Variants in CACNA1A observed in about 807,000 individuals in gnomAD.
CACNA1A encodes the protein voltage-dependent P/Q-type calcium channel subunit alpha-1A.
CACNA1A carries 57 observed loss-of-function variants against 262.4 expected under a neutral mutation model. That is an observed-to-expected ratio of 0.22 (90% CI 0.18 to 0.27). CACNA1A has a LOEUF of 0.27. CACNA1A is among the 10% of genes least tolerant of loss of function. The pLI, the probability that CACNA1A is intolerant of heterozygous loss-of-function variation, is 1.00. For synonymous variants in CACNA1A, 1,431 were observed against 1,419.3 expected (o/e 1.01, Z -0.18); for missense variants, 2,526 against 3,562.8 (o/e 0.71, Z 7.41).
At chr19:13,280,920 G>GAC in intron 22 of CACNA1A, among the ~76,000 whole-genome samples, 1 of 121,226 alleles carries the variant, frequency 8.2e-6, no homozygotes, top group Non-Finnish European at 1.6e-5. Context: ...CAGCCTGGGT[G>GAC]ACAGAGCAAG....
intron 4 of CACNA1A, chr19:13,371,443 T>C (rs184431562): frequency 1.2e-4 from 62 of 502,262 alleles, no homozygotes; most frequent in Middle Eastern, 5.4e-4. Context: ...ACGTGGTGCT[T>C]AGCATGGCTC....
At chr19:13,215,012 GTTT>G (rs1264509488) in intron 38 of CACNA1A, 6 of 34,316 alleles carry the variant, frequency 1.7e-4, no homozygotes, top group African/African-American at 2.5e-4. Context: ...GTGTGTGTGT[GTTT>G]TTTTTTTTTT....
Position 13,334,592 on chromosome 19 carries a change from T to C in CACNA1A, c.1083-99A>G, listed in dbSNP as rs1243055865. 1.4e-5 allele frequency: 9 copies of C among 627,042 alleles called. No individual in the cohort carries two copies. The African/African-American group carries it at 1.6e-4, about 11-fold the overall frequency. 38.8% of individuals were successfully genotyped at this position (627,042 alleles called of 1,614,324 possible). A position where few individuals can be genotyped will look rare whatever the true frequency, so the allele number is the denominator to read the frequency against. On this transcript the variant is annotated intron_variant, in intron 7 of 46. Coordinates refer to ENST00000360228, the MANE Select transcript of CACNA1A (RefSeq NM_001127222.2). ...GTGTGTGTGTGTGTGTGTGTGTGTG[T>C]TTGTGTGTGTGTGTGTGTTTGGGGA...
chr19:13,255,344 G>T, intron 28 of CACNA1A, 85 bp from the exon 29 acceptor site: 6 of 1,286,596 alleles, frequency 4.7e-6, no homozygotes, highest in Non-Finnish European at 6.3e-6. Flanking sequence ...AACTCGTCGC[G>T]GTTCTCAAGT....
At chr19:13,249,238 G>T (rs1408875073) in intron 30 of CACNA1A, among the ~76,000 whole-genome samples, 2 of 152,076 alleles carry the variant, frequency 1.3e-5, no homozygotes, top group Admixed American at 1.3e-4. Flanking sequence ...CAAAGTGCTG[G>T]GACTACAGGC....
At chr19:13,276,042 G>A (rs1198139777) in intron 23 of CACNA1A, 86 bp from the exon 24 acceptor site, 11 of 839,526 alleles carry the variant, frequency 1.3e-5, no homozygotes, top group Non-Finnish European at 1.9e-5. Context: ...CTCTCGGGGA[G>A]AGGCAGGGAA....
chr19:13,406,430 G>A lies in CACNA1A; in HGVS notation c.540-34651C>T, dbSNP rs981585702. Among the ~76,000 whole-genome samples, 134 of 139,424 alleles carry A rather than the reference G, an allele frequency of 9.6e-4. 1 individual carries two copies. Among genetic ancestry groups the A allele is most frequent in the African/African-American group, 3.3e-3 (125 of 37,458 alleles). 91.5% of individuals were successfully genotyped at this position (139,424 alleles called of 152,430 possible). ...AGATCGCGACAATGGGCTTCAGCCT[G>A]GGTGACAGAGGGAGACTCTGTCTCA... On this transcript the variant is annotated intron_variant, in intron 3 of 46. Transcript: ENST00000360228.
At chr19:13,322,203 A>G (rs1484974887) in intron 10 of CACNA1A, among the ~76,000 whole-genome samples, 2 of 50,558 alleles carry the variant, frequency 4.0e-5, no homozygotes, top group Admixed American at 2.2e-4. Flanking sequence ...CTTGTCTCAG[A>G]AAAAAAAAAA....
chr19:13,290,333 T>C (rs894617851), intron 19 of CACNA1A, among the ~76,000 whole-genome samples: 2 of 152,030 alleles, frequency 1.3e-5, no homozygotes, highest in South Asian at 2.1e-4. Flanking sequence ...TTTTGAGAAG[T>C]TGTGTATCAT....
chr19:13,268,097 A>G (rs929444740), intron 24 of CACNA1A, among the ~76,000 whole-genome samples: 2 of 151,694 alleles, frequency 1.3e-5, no homozygotes, highest in African/African-American at 4.8e-5. Flanking sequence ...CAACCAACCA[A>G]CTCAGGTCTG....
At chr19:13,296,456 T>C (rs900192593) in intron 19 of CACNA1A, among the ~76,000 whole-genome samples, 1 of 152,260 alleles carries the variant, frequency 6.6e-6, no homozygotes, top group Non-Finnish European at 1.5e-5. Flanking sequence ...CACTATAGCA[T>C]CTGCTAGAAA....
Position 13,493,331 on chromosome 19 carries a change from G to A in CACNA1A, c.293+12601C>T, listed in dbSNP as rs140685023. On this transcript the variant is annotated intron_variant, in intron 1 of 46. Transcript: ENST00000360228. Reference sequence around the variant, plus strand: ...TCAACCTTGGTATTACTGACATTTGGAGCTGGATAATTCTTTACTGAGAAA... The same window carrying A: ...TCAACCTTGGTATTACTGACATTTGAAGCTGGATAATTCTTTACTGAGAAA... Among the ~76,000 whole-genome samples, 4 of 152,276 alleles carry A rather than the reference G, an allele frequency of 2.6e-5. No individual in the cohort carries two copies. In the East Asian group the frequency reaches 7.7e-4, roughly 29 times the overall value.
intron 6 of CACNA1A, among the ~76,000 whole-genome samples, chr19:13,354,642 A>T (rs751502570): frequency 6.6e-6 from 1 of 152,144 alleles, no homozygotes; most frequent in Non-Finnish European, 1.5e-5. Flanking sequence ...ATTTAGGAGG[A>T]GTTATAAATG....
intron 6 of CACNA1A, among the ~76,000 whole-genome samples, chr19:13,359,353 T>G (rs948335088): frequency 1.3e-5 from 2 of 152,192 alleles, no homozygotes; most frequent in African/African-American, 4.8e-5. Flanking sequence ...ATCTAAACAC[T>G]TGCACAATGA....
chr19:13,436,590 TTCAC>T (rs1345651297), intron 3 of CACNA1A, among the ~76,000 whole-genome samples: 2 of 137,808 alleles, frequency 1.5e-5, no homozygotes, highest in African/African-American at 2.9e-5. Flanking sequence ...CATTCATTCA[TTCAC>T]TCAATCACCC....
At chr19:13,357,951 G>A (rs56369639) in intron 6 of CACNA1A, among the ~76,000 whole-genome samples, 20,849 of 152,066 alleles carry the variant, frequency 0.14, 1,719 homozygotes, top group East Asian at 0.39. Context: ...AGGCTGCAGT[G>A]AGCTATGATT....
chr19:13,251,206 G>T (rs1034715360), intron 30 of CACNA1A, among the ~76,000 whole-genome samples: 1 of 151,012 alleles, frequency 6.6e-6, no homozygotes, highest in Non-Finnish European at 1.5e-5. Flanking sequence ...TGAGTAGGCC[G>T]GGTGCGGTGG....
At chr19:13,277,319 T>C (rs913046655) in intron 22 of CACNA1A, 191 bp from the exon 23 acceptor site, 1 of 518,238 alleles carries the variant, frequency 1.9e-6, no homozygotes, top group African/African-American at 1.9e-5. Context: ...CAGATTTGTA[T>C]GTTGTGAATG....
intron 3 of CACNA1A, 33 bp from the exon 4 acceptor site, chr19:13,371,812 G>T: frequency 6.7e-7 from 1 of 1,497,054 alleles, no homozygotes; most frequent in Non-Finnish European, 9.1e-7. Flanking sequence ...GAGAACAGAG[G>T]GTGGGTTTTG....
Sources: allele counts gnomAD v4.1 joint callset (sites outside exome capture counted in the v4.1 genomes callset), GRCh38; gene constraint gnomAD v4.1.1; transcripts MANE v1.5; gene names NCBI Gene and HGNC (gene_info 2026-07-23, HGNC 2026-07-21).